Variants in AKAP13 observed in about 807,000 individuals in gnomAD.
AKAP13 encodes A-kinase anchoring protein 13.
AKAP13 carries 80 observed loss-of-function variants against 264.5 expected under a neutral mutation model. The observed-to-expected ratio is 0.30, with a 90% CI of 0.25 to 0.36. The LOEUF (loss-of-function observed/expected upper bound fraction) is 0.36, where lower values mean the gene tolerates loss of function less well. AKAP13 is among the 10% of genes least tolerant of loss of function. The probability of loss-of-function intolerance (pLI) is 1.00; values close to 1 mark genes in which losing one functional copy is unlikely to be tolerated. For synonymous variants in AKAP13, 1,380 were observed against 1,250.2 expected (o/e 1.10, Z -2.19); for missense variants, 3,712 against 3,435.2 (o/e 1.08, Z -2.01).
chr15:85,414,635 A>G (rs2072147449), intron 1 of AKAP13, among the ~76,000 whole-genome samples: 1 of 152,208 alleles, frequency 6.6e-6, no homozygotes, highest in South Asian at 2.1e-4. Context: ...AAGATAAGGA[A>G]GTTGGTAGAC....
At chr15:85,600,317 TTA>T (rs1491462053) in intron 8 of AKAP13, among the ~76,000 whole-genome samples, 1 of 118,184 alleles carries the variant, frequency 8.5e-6, no homozygotes, top group Non-Finnish European at 1.8e-5. Context: ...TAGCTTAGAT[TTA>T]AAAAAAAAAA....
At chr15:85,615,657 C>A (rs1249320643) in intron 8 of AKAP13, among the ~76,000 whole-genome samples, 1 of 152,126 alleles carries the variant, frequency 6.6e-6, no homozygotes, top group Admixed American at 6.5e-5. Flanking sequence ...TAAACTTTTC[C>A]TTCCTTCCCA....
At chr15:85,442,519 T>TAATA (rs1555430013) in intron 1 of AKAP13, among the ~76,000 whole-genome samples, 11 of 109,332 alleles carry the variant, frequency 1.0e-4, no homozygotes, top group Non-Finnish European at 2.1e-4. Context: ...ATAATATATA[T>TAATA]TATATTATAT....
In AKAP13 at chr15:85,746,342, C is replaced by T. The variant is rs1256695955; in HGVS notation, c.*1665C>T. On this transcript the variant is annotated 3_prime_UTR_variant, in exon 37 of 37. Coordinates refer to ENST00000394518, the MANE Select transcript of AKAP13 (RefSeq NM_007200.5). Reference sequence around the variant, plus strand: ...TTTTTTAAGGGTGAGCCAGGTCTAGCCCAACAGTCTAAACTATCCAGTCAA... The same window carrying T: ...TTTTTTAAGGGTGAGCCAGGTCTAGTCCAACAGTCTAAACTATCCAGTCAA... 6.6e-6 allele frequency: 1 copy of T among 152,050 alleles called. No individual in the cohort carries two copies. Among genetic ancestry groups the T allele is most frequent in the Non-Finnish European group, 1.5e-5 (1 of 68,016 alleles). The allele number at this position is 152,050 out of a possible 1,614,324, so 9.4% of individuals were successfully genotyped here.
At chr15:85,741,713 A>ACC (rs1162683618) in intron 35 of AKAP13, among the ~76,000 whole-genome samples, 18 of 101,086 alleles carry the variant, frequency 1.8e-4, no homozygotes, top group African/African-American at 6.5e-4. Flanking sequence ...AAAAAAAAAA[A>ACC]AAACAAACAA....
rs72092500 is a variant in AKAP13 at position 85,733,873 on chromosome 15, C to CTTTTTTTTTTTTTTTTTTTTTT, written c.7283-1098_7283-1097insTTTTTTTTTTTTTTTTTTTTTT. 4.8e-4 allele frequency among the ~76,000 whole-genome samples: 40 copies of CTTTTTTTTTTTTTTTTTTTTTT among 82,586 alleles called. 1 individual carries two copies. The highest frequency in any genetic ancestry group is 7.8e-4 in the Non-Finnish European group (34 of 43,354). The allele number at this position is 82,586 out of a possible 152,430, so 54.2% of individuals were successfully genotyped here. ...TTTGTCATTTTCTTTTCTTTCTTTT[C>CTTTTTTTTTTTTTTTTTTTTTT]TTTTTTTTTTTTTTTTTTTTTGAGA... On this transcript the variant is annotated intron_variant, in intron 30 of 36. Transcript: ENST00000394518.
At chr15:85,406,089 C>T (rs759004469) in intron 1 of AKAP13, among the ~76,000 whole-genome samples, 52 of 152,172 alleles carry the variant, frequency 3.4e-4, no homozygotes, top group Non-Finnish European at 5.7e-4. Context: ...TGGCCTCAAG[C>T]GATCCTCCTG....
At chr15:85,460,222 A>G (rs1383053920) in intron 1 of AKAP13, among the ~76,000 whole-genome samples, 3 of 152,100 alleles carry the variant, frequency 2.0e-5, no homozygotes. Context: ...CCTATCACAC[A>G]CACACTCACC....
intron 5 of AKAP13, among the ~76,000 whole-genome samples, chr15:85,572,392 A>G (rs1050254303): frequency 6.6e-6 from 1 of 152,168 alleles, no homozygotes; most frequent in African/African-American, 2.4e-5. Context: ...TCTCCCCGCT[A>G]TTTGACTTCT....
chr15:85,552,010 G>GA (rs1215924356), intron 5 of AKAP13, among the ~76,000 whole-genome samples: 2 of 152,068 alleles, frequency 1.3e-5, no homozygotes, highest in Non-Finnish European at 2.9e-5. Context: ...AGAGAAACAA[G>GA]AAAAAAACTA....
At position 85,723,282 on chromosome 15, in the gene AKAP13, G is replaced by A. The variant is rs758144958; in HGVS notation, c.6707G>A (p.Gly2236Glu). 1.9e-6 allele frequency: 3 copies of A among 1,614,132 alleles called. No individual in the cohort carries two copies. Among genetic ancestry groups the A allele is most frequent in the East Asian group, 2.2e-5 (1 of 44,878 alleles). The change falls in exon 26 of 37, where the codon GGG becomes GAG. Residue 2236 changes from glycine to glutamate, a missense_variant. Gly to Glu is a moderately conservative substitution (Grantham distance 98). Around this residue, in one of 3 missense-constraint regions of AKAP13, gnomAD observed 342 missense variants for 484.3 expected, o/e 0.71. Coordinates refer to ENST00000394518, the MANE Select transcript of AKAP13 (RefSeq NM_007200.5). ...DLKRKKLVRD[G>E]SVFLKNAAGR... ...AAACGGAAGAAGCTTGTACGTGATG[G>A]GAGTGTGTTTCTGAAGAATGCAGCA...
intron 27 of AKAP13, 106 bp downstream of exon 27, chr15:85,726,592 C>A: frequency 1.0e-6 from 1 of 953,762 alleles, no homozygotes; most frequent in Non-Finnish European, 1.6e-6. Context: ...AATTAAATGG[C>A]TCAGGACAAA....
intron 5 of AKAP13, among the ~76,000 whole-genome samples, chr15:85,550,768 C>G (rs529863381): frequency 2.0e-5 from 3 of 152,162 alleles, no homozygotes; most frequent in Non-Finnish European, 4.4e-5. Context: ...TGGCCAAATT[C>G]CCATTCATCA....
chr15:85,425,413 C>A (rs537200956), intron 1 of AKAP13, among the ~76,000 whole-genome samples: 1 of 151,894 alleles, frequency 6.6e-6, no homozygotes, highest in Non-Finnish European at 1.5e-5. Flanking sequence ...TTTTAAGATT[C>A]CTCTAAGAAC....
At chr15:85,428,475 A>C (rs1423230165) in intron 1 of AKAP13, among the ~76,000 whole-genome samples, 2 of 152,248 alleles carry the variant, frequency 1.3e-5, no homozygotes, top group Non-Finnish European at 2.9e-5. Context: ...CTGGGATTAC[A>C]GGCATGAGCC....
chr15:85,749,312 TCTCC>T lies in AKAP13; in HGVS notation c.*4639_*4642del, dbSNP rs931614878. 1 of 152,206 alleles carries T rather than the reference TCTCC, an allele frequency of 6.6e-6. No individual in the cohort carries two copies. The highest frequency in any genetic ancestry group is 2.4e-5 in the African/African-American group (1 of 41,444). The allele number at this position is 152,206 out of a possible 1,614,324, so 9.4% of individuals were successfully genotyped here. On this transcript the variant is annotated 3_prime_UTR_variant, in exon 37 of 37. Coordinates refer to ENST00000394518, the MANE Select transcript of AKAP13 (RefSeq NM_007200.5). Reference sequence around the variant, plus strand: ...TTACCAGCTTCAGACCCTTGTAAAGTCTCCCTCAGCCCTTTCAAAAAATAATAAA... The same window carrying T: ...TTACCAGCTTCAGACCCTTGTAAAGTCTCAGCCCTTTCAAAAAATAATAAA...
chr15:85,439,435 A>G (rs1452241321), intron 1 of AKAP13, among the ~76,000 whole-genome samples: 10 of 152,032 alleles, frequency 6.6e-5, no homozygotes, highest in Non-Finnish European at 1.0e-4. Flanking sequence ...ATCTAGAACT[A>G]GAAATACCAT....
chr15:85,563,264 T>C (rs1215905115), intron 5 of AKAP13, among the ~76,000 whole-genome samples: 1 of 151,228 alleles, frequency 6.6e-6, no homozygotes, highest in East Asian at 1.9e-4. Context: ...TGGTGAGCAA[T>C]GTGGGCATGC....
intron 1 of AKAP13, among the ~76,000 whole-genome samples, chr15:85,483,871 A>G (rs2075436756): frequency 6.6e-6 from 1 of 152,176 alleles, no homozygotes; most frequent in South Asian, 2.1e-4. Context: ...TTTAAAGCTT[A>G]TCAGCTATTA....
Sources: allele counts gnomAD v4.1 joint callset (sites outside exome capture counted in the v4.1 genomes callset), GRCh38; gene constraint gnomAD v4.1.1; regional missense constraint gnomAD v4.1.1; transcripts MANE v1.5; gene names NCBI Gene and HGNC (gene_info 2026-07-23, HGNC 2026-07-21).